Variants in NAV2 observed in about 807,000 individuals in gnomAD.
The protein encoded by NAV2 is neuron navigator 2.
A neutral mutation model predicts 223.2 loss-of-function variants in NAV2; 54 were observed. That is an observed-to-expected ratio of 0.24 (90% CI 0.19 to 0.30). NAV2 has a LOEUF of 0.30. Ranked by LOEUF, NAV2 falls within the 10% of genes least tolerant of loss-of-function variation. NAV2 has a pLI of 1.00. For missense variants in NAV2, 2,806 were observed against 3,147.5 expected, an observed-to-expected ratio of 0.89 and a Z score of 2.60; for synonymous variants, 1,279 against 1,239.3, an observed-to-expected ratio of 1.03 and a Z score of -0.67.
intron 1 of NAV2, among the ~76,000 whole-genome samples, chr11:19,731,199 C>T (rs1409748276): frequency 6.6e-6 from 1 of 152,184 alleles, no homozygotes; most frequent in Non-Finnish European, 1.5e-5. Flanking sequence ...TCTCTGTGCC[C>T]ACCCTCCACC....
chr11:19,630,378 G>A (rs2047308644), intron 1 of NAV2, among the ~76,000 whole-genome samples: 1 of 152,040 alleles, frequency 6.6e-6, no homozygotes, highest in African/African-American at 2.4e-5. Flanking sequence ...CCAGATTTTT[G>A]TTTTCTCATG....
At chr11:19,738,657 T>C (rs1037560467) in intron 1 of NAV2, among the ~76,000 whole-genome samples, 1 of 152,136 alleles carries the variant, frequency 6.6e-6, no homozygotes, top group Non-Finnish European at 1.5e-5. Flanking sequence ...TTCCTGGCCA[T>C]TGTGAGGAGA....
At chr11:19,503,888 G>A (rs1177734144) in intron 1 of NAV2, 3 of 152,174 alleles carry the variant, frequency 2.0e-5, no homozygotes, top group East Asian at 1.9e-4. Flanking sequence ...ACAAGCTACA[G>A]AAGCGGGGAA....
intron 1 of NAV2, among the ~76,000 whole-genome samples, chr11:19,553,049 G>T (rs1447981040): frequency 1.3e-5 from 2 of 152,212 alleles, no homozygotes; most frequent in Non-Finnish European, 2.9e-5. Flanking sequence ...TCTCAGCATG[G>T]CTGTGTAACA....
intron 1 of NAV2, among the ~76,000 whole-genome samples, chr11:19,630,867 C>A (rs1474696881): frequency 1.4e-5 from 2 of 147,046 alleles, no homozygotes; most frequent in African/African-American, 2.6e-5. Flanking sequence ...CAGAGTGAGA[C>A]CCTGTTTCAA....
chr11:19,842,855 G>A lies in NAV2; in HGVS notation c.386-16G>A, dbSNP rs1453827737. The A allele has an allele frequency of 3.7e-6, 6 of 1,613,572 alleles. No individual in the cohort carries two copies. The highest frequency in any genetic ancestry group is 2.2e-5 in the South Asian group (2 of 91,052). On this transcript the variant is annotated splice_polypyrimidine_tract_variant and intron_variant, in intron 2 of 37. Coordinates refer to ENST00000349880, the MANE Select transcript of NAV2 (RefSeq NM_145117.5). ...CTCTGGTGATTTATTTTTCTGACTTGTGTTTCCTTTTTCAGCAAATGAAAA... is the reference window on the plus strand; with the variant it reads ...CTCTGGTGATTTATTTTTCTGACTTATGTTTCCTTTTTCAGCAAATGAAAA...
chr11:19,713,713 C>A lies in NAV2; in HGVS notation c.18C>A (p.Val6=), dbSNP rs1355140613. MPAIL[V]ASKMKSGLPK... ...GGGAGAAGATGCCGGCCATCCTGGT[C>A]GCCTCCAAAATGAAGTCGGGACTGC... The change falls in exon 1 of 38, where the codon GTC becomes GTA. Residue 6 remains valine, a synonymous_variant. Transcript: ENST00000349880. This position sits in a 1 kb window ranked among gnomAD's most constrained non-coding sequence, Gnocchi z 7.2. The A allele has an allele frequency of 6.3e-7, 1 of 1,575,404 alleles. No homozygotes were observed. Among genetic ancestry groups the A allele is most frequent in the Non-Finnish European group, 8.6e-7 (1 of 1,156,356 alleles).
chr11:19,346,469 C>G (rs528420989), upstream of NAV2, among the ~76,000 whole-genome samples: 1 of 152,300 alleles, frequency 6.6e-6, no homozygotes, highest in African/African-American at 2.4e-5. Context: ...AGGGGGCGCC[C>G]GAGCACTGGG....
chr11:19,949,712 G>A (rs2047226064), intron 10 of NAV2, among the ~76,000 whole-genome samples: 1 of 152,162 alleles, frequency 6.6e-6, no homozygotes, highest in Non-Finnish European at 1.5e-5. Flanking sequence ...TTCGAAATTA[G>A]CCTGATTATG....
intron 1 of NAV2, among the ~76,000 whole-genome samples, chr11:19,461,356 G>A (rs1031233749): frequency 5.9e-5 from 9 of 152,234 alleles, no homozygotes; most frequent in South Asian, 2.1e-4. Flanking sequence ...TATAACTTTC[G>A]GAGGGATTTC....
At chr11:19,612,276 G>A (rs1312503596) in intron 1 of NAV2, among the ~76,000 whole-genome samples, 1 of 152,156 alleles carries the variant, frequency 6.6e-6, no homozygotes, top group African/African-American at 2.4e-5. Context: ...GGCCTGCAGT[G>A]AAAGTCTCTG....
At chr11:19,689,122 A>G (rs139513278) in intron 1 of NAV2, among the ~76,000 whole-genome samples, 1 of 152,286 alleles carries the variant, frequency 6.6e-6, no homozygotes, top group African/African-American at 2.4e-5. Context: ...TCAGTATTCC[A>G]TTCTTGGCTG....
At chr11:19,444,979 C>T (rs924056995) in intron 1 of NAV2, among the ~76,000 whole-genome samples, 2 of 152,132 alleles carry the variant, frequency 1.3e-5, no homozygotes, top group African/African-American at 4.8e-5. Flanking sequence ...AGTAAAAGTT[C>T]AATAAAAGTT....
intron 1 of NAV2, among the ~76,000 whole-genome samples, chr11:19,390,538 A>C (rs1242485511): frequency 2.6e-5 from 4 of 152,360 alleles, no homozygotes; most frequent in East Asian, 1.9e-4. Context: ...AGCAATAAAC[A>C]AGTAAGATAA....
intron 4 of NAV2, among the ~76,000 whole-genome samples, chr11:19,878,058 G>A (rs1455143475): frequency 6.6e-6 from 1 of 152,090 alleles, no homozygotes; most frequent in Non-Finnish European, 1.5e-5. Context: ...TGAGGGGCTG[G>A]CCCACCCCTT....
intron 11 of NAV2, among the ~76,000 whole-genome samples, chr11:19,988,658 T>G (rs1430748513): frequency 6.6e-6 from 1 of 152,162 alleles, no homozygotes; most frequent in Admixed American, 6.5e-5. Context: ...CCAGGCTGCA[T>G]CCAGGGCCTT....
intron 1 of NAV2, among the ~76,000 whole-genome samples, chr11:19,714,744 T>TC (rs1356848619): frequency 6.6e-6 from 1 of 152,114 alleles, no homozygotes; most frequent in Non-Finnish European, 1.5e-5. Context: ...AATTGGTGAC[T>TC]CCTACCTTTC....
intron 22 of NAV2, among the ~76,000 whole-genome samples, chr11:20,069,855 C>T (rs923499148): frequency 6.6e-6 from 1 of 152,166 alleles, no homozygotes; most frequent in Non-Finnish European, 1.5e-5. Context: ...CAGCTTGAGC[C>T]TTAGTTTACT....
At chr11:19,762,356 C>T (rs1265897293) in intron 1 of NAV2, among the ~76,000 whole-genome samples, 1 of 152,204 alleles carries the variant, frequency 6.6e-6, no homozygotes, top group Non-Finnish European at 1.5e-5. Context: ...GATCCAAATC[C>T]CTACAATGAT....
Sources: allele counts gnomAD v4.1 joint callset (sites outside exome capture counted in the v4.1 genomes callset), GRCh38; gene constraint gnomAD v4.1.1; non-coding constraint Gnocchi (gnomAD v3.1); transcripts MANE v1.5; gene names NCBI Gene and HGNC (gene_info 2026-07-23, HGNC 2026-07-21).